The following MMP26 variants were observed in gnomAD, a reference collection of about 807,000 sequenced individuals.
MMP26 encodes matrix metallopeptidase 26, also known as matrix metalloproteinase-26.
MMP26 carries 33 observed loss-of-function variants against 31.0 expected under a neutral mutation model. The ratio of observed to expected loss-of-function variants is 1.06; its 90% CI spans 0.81 to 1.42. The LOEUF (loss-of-function observed/expected upper bound fraction) is 1.42, where lower values mean the gene tolerates loss of function less well. Among genes scored for constraint, MMP26 ranks in the 40% most tolerant of loss-of-function variants. The pLI, the probability that MMP26 is intolerant of heterozygous loss-of-function variation, is 0.00. For synonymous variants in MMP26, 122 were observed against 114.9 expected (o/e 1.06, Z -0.40); for missense variants, 347 against 316.1 (o/e 1.10, Z -0.74).
At chr11:4,756,092 T>C in intron 1 of MMP26, among the ~76,000 whole-genome samples, 1 of 151,984 alleles carries the variant, frequency 6.6e-6, no homozygotes. Flanking sequence ...TATAGCATTA[T>C]GGAAAAACAA....
intron 2 of MMP26, chr11:4,822,024 T>G (rs7103540): frequency 1.4e-5 from 22 of 1,613,886 alleles, no homozygotes; most frequent in Non-Finnish European, 1.9e-5. Flanking sequence ...GCATCCTTGG[T>G]CTGTTTGCGC....
At chr11:4,944,666 G>A (rs1265130923) in intron 2 of MMP26, 1 of 152,032 alleles carries the variant, frequency 6.6e-6, no homozygotes, top group African/African-American at 2.4e-5. Context: ...AAAATGAAAA[G>A]GCTAAAATGA....
At chr11:4,762,135 C>G (rs1191650636) in intron 1 of MMP26, among the ~76,000 whole-genome samples, 2 of 152,114 alleles carry the variant, frequency 1.3e-5, no homozygotes, top group Non-Finnish European at 2.9e-5. Flanking sequence ...TTGATAAGTA[C>G]TGATGAATAC....
At chr11:4,795,071 C>A (rs940127401) in intron 2 of MMP26, 1 of 152,100 alleles carries the variant, frequency 6.6e-6, no homozygotes, top group Non-Finnish European at 1.5e-5. Flanking sequence ...GGCTTAGAAC[C>A]AATAAAAGGA....
At chr11:4,841,277 T>C (rs1290461062) in intron 2 of MMP26, among the ~76,000 whole-genome samples, 1 of 151,976 alleles carries the variant, frequency 6.6e-6, no homozygotes, top group Non-Finnish European at 1.5e-5. Context: ...ACAGAGAACA[T>C]CCCAAACCTA....
At chr11:4,964,926 G>A (rs1356126931) in intron 2 of MMP26, among the ~76,000 whole-genome samples, 1 of 152,140 alleles carries the variant, frequency 6.6e-6, no homozygotes, top group Admixed American at 6.6e-5. Context: ...GGAGAGTTGG[G>A]GGTTGAGAGG....
chr11:4,783,864 A>T (rs893444636), intron 2 of MMP26, among the ~76,000 whole-genome samples: 1 of 152,092 alleles, frequency 6.6e-6, no homozygotes, highest in African/African-American at 2.4e-5. Context: ...TCCATGTAAG[A>T]TGTGACTTGC....
At chr11:4,815,315 A>G (rs1193617662) in intron 2 of MMP26, among the ~76,000 whole-genome samples, 2 of 152,158 alleles carry the variant, frequency 1.3e-5, no homozygotes, top group Non-Finnish European at 2.9e-5. Context: ...TAAGCTATCA[A>G]TTTTCATTGC....
Position 4,919,666 on chromosome 11 carries a change from C to T in MMP26, c.-144-68402C>T, listed in dbSNP as rs139352553. 4.2e-4 allele frequency among the ~76,000 whole-genome samples: 64 copies of T among 152,218 alleles called. 2 individuals carry two copies. Among genetic ancestry groups the T allele is most frequent in the African/African-American group, 1.4e-3 (60 of 41,538 alleles). On this transcript the variant is annotated intron_variant, in intron 2 of 7. Transcript: ENST00000380390. ...TGATAATGTTTTATGTGTGATATGG[C>T]ATAACCCCAATTTATGCACACTGGA...
rs560250750 is a variant in MMP26 at position 4,743,115 on chromosome 11, G to A, written c.-216-24155G>A. On this transcript the variant is annotated intron_variant, in intron 1 of 7. Transcript: ENST00000380390. ...TAATTTTAATAAAAAATAAACTATAGTGTTACACATGTATGTGAATTATTA... is the reference window on the plus strand; with the variant it reads ...TAATTTTAATAAAAAATAAACTATAATGTTACACATGTATGTGAATTATTA... Among the ~76,000 whole-genome samples the A allele has an allele frequency of 2.0e-5, 3 of 152,186 alleles. No homozygotes were observed. In the South Asian group the frequency reaches 6.2e-4, roughly 32 times the overall value.
intron 2 of MMP26, among the ~76,000 whole-genome samples, chr11:4,942,530 T>C (rs1846229172): frequency 6.6e-6 from 1 of 152,192 alleles, no homozygotes; most frequent in Non-Finnish European, 1.5e-5. Flanking sequence ...TTTTACTTTC[T>C]AAAATTAGAG....
chr11:4,852,837 T>C (rs1365754563), intron 2 of MMP26, among the ~76,000 whole-genome samples: 1 of 152,070 alleles, frequency 6.6e-6, no homozygotes, highest in Non-Finnish European at 1.5e-5. Flanking sequence ...TACGAAGAGG[T>C]TAAAAAGTGT....
chr11:4,856,022 T>C (rs1850046543), intron 2 of MMP26, among the ~76,000 whole-genome samples: 1 of 152,176 alleles, frequency 6.6e-6, no homozygotes, highest in African/African-American at 2.4e-5. Context: ...AAGCAAATGC[T>C]GAGAGATTTT....
chr11:4,707,829 C>A (rs941454925), intron 1 of MMP26, among the ~76,000 whole-genome samples: 7 of 152,166 alleles, frequency 4.6e-5, no homozygotes, highest in Non-Finnish European at 1.0e-4. Context: ...TGCTGTTGTG[C>A]TAGCCATTTT....
intron 2 of MMP26, among the ~76,000 whole-genome samples, chr11:4,797,888 C>T (rs148527869): frequency 6.6e-6 from 1 of 152,140 alleles, no homozygotes; most frequent in African/African-American, 2.4e-5. Flanking sequence ...TATTTGTTTG[C>T]TTGTTTTTCC....
At chr11:4,766,703 C>CCCTT (rs1255425121) in intron 1 of MMP26, among the ~76,000 whole-genome samples, 1 of 102,388 alleles carries the variant, frequency 9.8e-6, no homozygotes, top group African/African-American at 4.2e-5. Context: ...TTCCCTCCCT[C>CCCTT]CCTCCCTCCC....
chr11:4,915,642 T>TTCCCAGGGA (rs796960972), intron 2 of MMP26: 1 of 1,613,046 alleles, frequency 6.2e-7, no homozygotes, highest in Middle Eastern at 1.7e-4. Flanking sequence ...CTGCTGCTGT[T>TTCCCAGGGA]TCCCAGGGAT....
chr11:4,903,894 A>G (rs1304097943), intron 2 of MMP26: 2 of 152,088 alleles, frequency 1.3e-5, no homozygotes, highest in Non-Finnish European at 2.9e-5. Flanking sequence ...GAGGAAGAGT[A>G]AGTGGTTTCA....
chr11:4,939,435 A>G (rs1281249098), intron 2 of MMP26, among the ~76,000 whole-genome samples: 2 of 152,146 alleles, frequency 1.3e-5, no homozygotes, highest in African/African-American at 2.4e-5. Flanking sequence ...GCCCTTCTTA[A>G]TATCTCAGAA....
Sources: gnomAD v4.1 joint callset for allele counts (sites outside exome capture counted in the v4.1 genomes callset) on GRCh38, gnomAD v4.1.1 for gene constraint, MANE v1.5 for transcripts, NCBI Gene and HGNC (gene_info 2026-07-23, HGNC 2026-07-21) for gene names.